The following BUB3 variants were observed in gnomAD, a reference collection of about 807,000 sequenced individuals.
BUB3 encodes the protein BUB3 mitotic checkpoint protein.
Under a neutral mutation model 39.9 loss-of-function variants are expected in BUB3, and 22 were observed. The observed-to-expected ratio is 0.55, with a 90% confidence interval of 0.39 to 0.79. BUB3 has a LOEUF of 0.79. Ranked by LOEUF, BUB3 falls within the 30% of genes least tolerant of loss-of-function variation. BUB3 has a pLI of 0.00. For synonymous variants in BUB3, 168 were observed against 155.1 expected, an observed-to-expected ratio of 1.08 and a Z score of -0.62; for missense variants, 303 against 415.4, an observed-to-expected ratio of 0.73 and a Z score of 2.35.
In BUB3 at chr10:123,162,425, C is replaced by T. The variant is rs1298108569; in HGVS notation, c.754+12C>T. On this transcript the variant is annotated intron_variant, in intron 6 of 7. Coordinates refer to ENST00000368865, the MANE Select transcript of BUB3 (RefSeq NM_004725.4). The stretch of plus-strand genomic sequence containing the variant: ...TACATTTGCCACAGGTAAAGTATGG[C>T]ATGCTGACCTATATTTAATTATTAT... 2 of 1,609,948 alleles carry T rather than the reference C, an allele frequency of 1.2e-6. No homozygotes were observed. The highest frequency in any genetic ancestry group is 1.7e-6 in the Non-Finnish European group (2 of 1,178,112).
chr10:123,162,965 A>T (rs919608964), intron 7 of BUB3, 137 bp downstream of exon 7: 1 of 820,924 alleles, frequency 1.2e-6, no homozygotes, highest in African/African-American at 1.8e-5. Flanking sequence ...TGATGTTATC[A>T]TGTTCTCCCA....
In BUB3 at chr10:123,162,678, G is replaced by A; in HGVS notation, c.821G>A (p.Arg274Gln). 1.4e-5 allele frequency: 23 copies of A among 1,607,390 alleles called. No individual in the cohort carries two copies. Among genetic ancestry groups the A allele is most frequent in the Non-Finnish European group, 2.0e-5 (23 of 1,178,442 alleles). ...FNKKRLCQFH[R>Q]YPTSIASLAF... ...AAAAAGCGACTGTGCCAATTCCATC[G>A]GTACCCCACGAGCATCGCATCACTT... Residue 274 changes from arginine (R) to glutamine (Q), a missense_variant, in exon 7 of 8, where the codon CGG becomes CAG. Arg to Gln is a conservative substitution (Grantham distance 43). Coordinates refer to ENST00000368865, the MANE Select transcript of BUB3 (RefSeq NM_004725.4).
Position 123,155,129 on chromosome 10 carries a change from C to G in BUB3, c.195+17C>G. On this transcript the variant is annotated intron_variant, in intron 2 of 7. Transcript: ENST00000368865. ...GCCTTCTACGTAGGTGCCCTCCCGC[C>G]CTGCTCCTGCCCTCTTACTGTGTTA... The G allele has an allele frequency of 6.2e-7, 1 of 1,610,754 alleles. No homozygotes were observed. Among genetic ancestry groups the G allele is most frequent in the Middle Eastern group, 1.7e-4 (1 of 6,038 alleles).
intron 5 of BUB3, among the ~76,000 whole-genome samples, chr10:123,161,032 G>GTT (rs36033975): frequency 2.0e-5 from 3 of 148,982 alleles, no homozygotes; most frequent in African/African-American, 4.9e-5. Context: ...AACTTTGATA[G>GTT]TTTTTTTTTT....
At position 123,155,704 on chromosome 10, in the gene BUB3, T is replaced by C. The variant is rs1461070501; in HGVS notation, c.242T>C (p.Met81Thr). 6.2e-7 allele frequency: 1 copy of C among 1,614,110 alleles called. No individual in the cohort carries two copies. Among genetic ancestry groups the C allele is most frequent in the East Asian group, 2.2e-5 (1 of 44,872 alleles). ...WSGGLDHQLK[M>T]HDLNTDQENL... ...GGAGGACTAGATCATCAATTGAAAA[T>C]GCATGATTTGAACACTGATCAAGGT... The change falls in exon 3 of 8, where the codon ATG becomes ACG. Residue 81 changes from methionine to threonine, a missense_variant. Physicochemically the swap from Met to Thr is moderately conservative, Grantham distance 81 (BLOSUM62 -1). Transcript: ENST00000368865.
At position 123,162,306 on chromosome 10, in the gene BUB3, A is replaced by G. The variant is rs751977548; in HGVS notation, c.647A>G (p.Lys216Arg). 13 of 1,614,058 alleles carry G rather than the reference A, an allele frequency of 8.1e-6. 1 individual carries two copies. In the Admixed American group the frequency reaches 1.5e-4, roughly 19 times the overall value. Residue 216 changes from lysine (K) to arginine (R), a missense_variant, in exon 6 of 8, where the codon AAG becomes AGG. Coordinates refer to ENST00000368865, the MANE Select transcript of BUB3 (RefSeq NM_004725.4). ...EYLDPSPEVQKKKYAFKCHRL... is the reference protein window; with the variant it reads ...EYLDPSPEVQRKKYAFKCHRL... ...TTGGACCCAAGCCCTGAGGTACAGAAGAAGAAGTATGCCTTCAAATGTCAC... is the reference window on the plus strand; with the variant it reads ...TTGGACCCAAGCCCTGAGGTACAGAGGAAGAAGTATGCCTTCAAATGTCAC...
chr10:123,154,773 C>G (rs1482769141), intron 1 of BUB3, 145 bp from the exon 2 acceptor site: 1 of 846,772 alleles, frequency 1.2e-6, no homozygotes, highest in African/African-American at 1.8e-5. Context: ...CCTTGGCGGG[C>G]GAGTGCTCGG....
Position 123,157,764 on chromosome 10 carries a change from T to A in BUB3, c.301T>A (p.Cys101Ser). ...TGGGACCCATGATGCCCCTATCAGATGTGTTGAATACTGTCCAGAAGTGAA... is the reference window on the plus strand; with the variant it reads ...TGGGACCCATGATGCCCCTATCAGAAGTGTTGAATACTGTCCAGAAGTGAA... ...LVGTHDAPIR[C>S]VEYCPEVNVM... Residue 101 changes from cysteine (C) to serine (S), a missense_variant, in exon 4 of 8, where the codon TGT becomes AGT. Around this residue, in one of 2 missense-constraint regions of BUB3, gnomAD observed 182 missense variants for 293.1 expected, o/e 0.62. Coordinates refer to ENST00000368865, the MANE Select transcript of BUB3 (RefSeq NM_004725.4). 6.2e-7 allele frequency: 1 copy of A among 1,610,412 alleles called. No homozygotes were observed. Among genetic ancestry groups the A allele is most frequent in the Non-Finnish European group, 8.5e-7 (1 of 1,178,238 alleles).
chr10:123,157,126 T>C (rs568009632), intron 3 of BUB3, among the ~76,000 whole-genome samples: 1 of 152,304 alleles, frequency 6.6e-6, no homozygotes, highest in South Asian at 2.1e-4. Context: ...AAATGAGATA[T>C]AGTGAGAAGG....
At chr10:123,154,752 G>A (rs951525311) in intron 1 of BUB3, 166 bp from the exon 2 acceptor site, 1 of 708,090 alleles carries the variant, frequency 1.4e-6, no homozygotes, top group Non-Finnish European at 2.2e-6. Flanking sequence ...GGATGATGGG[G>A]CGAGTCCGGA....
intron 7 of BUB3, 80 bp downstream of exon 7, chr10:123,162,908 C>A: frequency 7.6e-7 from 1 of 1,311,492 alleles, no homozygotes; most frequent in Non-Finnish European, 1.1e-6. Context: ...TCATGAATAG[C>A]ATTGTTGATG....
chr10:123,155,165 A>C, intron 2 of BUB3, 53 bp downstream of exon 2: 6 of 1,559,056 alleles, frequency 3.8e-6, no homozygotes, highest in Non-Finnish European at 5.2e-6. Flanking sequence ...ACGATTCTCC[A>C]CGTGAGGAGC....
In BUB3 at chr10:123,165,924, A is replaced by G. The variant is rs1372088947; in HGVS notation, c.*2089A>G. The G allele has an allele frequency of 2.0e-5, 3 of 152,114 alleles. No individual in the cohort carries two copies. Among genetic ancestry groups the G allele is most frequent in the Admixed American group, 6.5e-5 (1 of 15,278 alleles). The allele number at this position is 152,114 out of a possible 1,614,324, so 9.4% of individuals were successfully genotyped here. On this transcript the variant is annotated 3_prime_UTR_variant, in exon 8 of 8. Transcript: ENST00000368865. ...GTTGAGGACAGACCATAAGTTTAAAACATTGTATAAGTGAAAGAATTAATA... is the reference window on the plus strand; with the variant it reads ...GTTGAGGACAGACCATAAGTTTAAAGCATTGTATAAGTGAAAGAATTAATA...
chr10:123,160,661 T>C, intron 5 of BUB3, 96 bp downstream of exon 5: 1 of 1,184,002 alleles, frequency 8.4e-7, no homozygotes, highest in Non-Finnish European at 1.1e-6. Context: ...CCTTCTTTTT[T>C]TTTTTCAGTA....
In BUB3 at chr10:123,163,542, A is replaced by G. The variant is rs143826743; in HGVS notation, c.972-278A>G. Among the ~76,000 whole-genome samples, 284 of 152,314 alleles carry G rather than the reference A, an allele frequency of 1.9e-3. 1 individual carries two copies. The highest frequency in any genetic ancestry group is 6.6e-3 in the African/African-American group (273 of 41,578). ...GGCCCTTAAAGGAAGTTCTCGATAC[A>G]TATTTGTAGAATAACTGAATGTTTT... On this transcript the variant is annotated intron_variant, in intron 7 of 7. Coordinates refer to ENST00000368865, the MANE Select transcript of BUB3 (RefSeq NM_004725.4).
intron 3 of BUB3, 92 bp downstream of exon 3, chr10:123,155,819 A>T: frequency 8.2e-7 from 1 of 1,213,980 alleles, no homozygotes; most frequent in South Asian, 1.3e-5. Flanking sequence ...TAAATTGCTT[A>T]GTTACTAAGT....
chr10:123,163,104 C>T (rs1348307568), intron 7 of BUB3: 1 of 374,432 alleles, frequency 2.7e-6, no homozygotes, highest in Non-Finnish European at 4.7e-6. Context: ...GGAGTTATTA[C>T]CAGCTCATTG....
rs544433601 is a variant in BUB3, at chr10:123,161,914, C to T, written c.577-322C>T. ...GAAGAATATATTTTAACTGAGGGAA[C>T]AAATTTGAGTCTGCTGGGCAGGACA... On this transcript the variant is annotated intron_variant, in intron 5 of 7. Coordinates refer to ENST00000368865, the MANE Select transcript of BUB3 (RefSeq NM_004725.4). Among the ~76,000 whole-genome samples the T allele has an allele frequency of 2.7e-4, 41 of 151,832 alleles. No homozygotes were observed. The South Asian group carries it at 7.4e-3, about 27-fold the overall frequency.
intron 2 of BUB3, 91 bp from the exon 3 acceptor site, chr10:123,155,567 G>T: frequency 4.0e-6 from 5 of 1,247,238 alleles, no homozygotes; most frequent in South Asian, 3.7e-5. Context: ...TGCATATCCC[G>T]AGCATAAACT....
Sources: allele counts gnomAD v4.1 joint callset (sites outside exome capture counted in the v4.1 genomes callset), GRCh38; gene constraint gnomAD v4.1.1; regional missense constraint gnomAD v4.1.1; transcripts MANE v1.5; gene names NCBI Gene and HGNC (gene_info 2026-07-23, HGNC 2026-07-21).